The following RBFOX1 variants were observed in gnomAD, a reference collection of about 807,000 sequenced individuals.
The protein encoded by RBFOX1 is RNA binding fox-1 homolog 1, also known as RNA binding protein fox-1 homolog 1.
RBFOX1 carries 8 observed loss-of-function variants against 57.7 expected under a neutral mutation model. The observed-to-expected ratio is 0.14, with a 90% CI of 0.08 to 0.25. The LOEUF is 0.25. Ranked by LOEUF, RBFOX1 falls within the 10% of genes least tolerant of loss-of-function variation. RBFOX1 has a pLI of 1.00. For missense variants in RBFOX1, 611 were observed against 548.5 expected, an observed-to-expected ratio of 1.11 and a Z score of -1.14; for synonymous variants, 326 against 222.4, an observed-to-expected ratio of 1.47 and a Z score of -4.15.
At chr16:7,039,014 C>T (rs35849848) in intron 3 of RBFOX1, among the ~76,000 whole-genome samples, 14,561 of 148,240 alleles carry the variant, frequency 0.098, 1,161 homozygotes, top group East Asian at 0.33. Context: ...ATATAAGTAC[C>T]ATTATTACCA....
chr16:7,555,289 T>C (rs952222283), intron 5 of RBFOX1, among the ~76,000 whole-genome samples: 1 of 152,150 alleles, frequency 6.6e-6, no homozygotes, highest in Non-Finnish European at 1.5e-5. Context: ...ATCCTGTAAA[T>C]GCAACTTGAT....
intron 3 of RBFOX1, among the ~76,000 whole-genome samples, chr16:6,997,001 CATATGT>C (rs1469913641): frequency 1.3e-5 from 2 of 152,050 alleles, no homozygotes; most frequent in African/African-American, 2.4e-5. Flanking sequence ...CAGCTTTATA[CATATGT>C]ATATGTATAT....
rs530759314 is a variant in RBFOX1, at chr16:5,676,047, A to T, written c.318+77086A>T. ...GAAGTTGAATAATGAGAACACATGG[A>T]CATGGTGATCGGGAGGGAACGTCGC... On this transcript the variant is annotated intron_variant, in intron 3 of 19. Transcript: ENST00000641259. Among the ~76,000 whole-genome samples the T allele has an allele frequency of 3.9e-5, 6 of 152,298 alleles. No homozygotes were observed. In the South Asian group the frequency reaches 6.2e-4, roughly 16 times the overall value.
At chr16:6,656,094 T>C (rs1159071477) in intron 3 of RBFOX1, among the ~76,000 whole-genome samples, 1 of 152,178 alleles carries the variant, frequency 6.6e-6, no homozygotes, top group Non-Finnish European at 1.5e-5. Context: ...TGCATGCTGG[T>C]ATATGCATGT....
intron 3 of RBFOX1, among the ~76,000 whole-genome samples, chr16:5,852,314 A>T (rs891005079): frequency 6.6e-6 from 1 of 152,064 alleles, no homozygotes; most frequent in South Asian, 2.1e-4. Flanking sequence ...AGCAGTGAGG[A>T]TTGCAGGCGT....
chr16:5,695,812 G>A (rs1302057856), intron 3 of RBFOX1, among the ~76,000 whole-genome samples: 2 of 152,136 alleles, frequency 1.3e-5, no homozygotes, highest in Non-Finnish European at 2.9e-5. Flanking sequence ...TAAAGGAAAG[G>A]AGGTAACTAT....
At chr16:5,624,757 T>A (rs73527652) in intron 3 of RBFOX1, among the ~76,000 whole-genome samples, 3 of 152,158 alleles carry the variant, frequency 2.0e-5, no homozygotes, top group Admixed American at 6.5e-5. Context: ...GTCTTTGAGC[T>A]TGCCTCAGGG....
chr16:7,600,522 A>G (rs1392263266), intron 9 of RBFOX1, among the ~76,000 whole-genome samples: 1 of 152,200 alleles, frequency 6.6e-6, no homozygotes, highest in Non-Finnish European at 1.5e-5. Flanking sequence ...GTCGGGACCA[A>G]TAAAGTCACA....
intron 3 of RBFOX1, among the ~76,000 whole-genome samples, chr16:5,725,394 C>G (rs941382570): frequency 6.6e-5 from 10 of 152,040 alleles, no homozygotes; most frequent in Non-Finnish European, 8.8e-5. Flanking sequence ...CAGGCATGCA[C>G]CACTGCCCCC....
chr16:5,662,435 G>T (rs923331380), intron 3 of RBFOX1, among the ~76,000 whole-genome samples: 2 of 152,042 alleles, frequency 1.3e-5, no homozygotes, highest in African/African-American at 4.8e-5. Flanking sequence ...TTTCAGACAC[G>T]TTCTGGAAAA....
At chr16:6,582,303 C>T (rs1211575931) in intron 2 of RBFOX1, among the ~76,000 whole-genome samples, 1 of 152,062 alleles carries the variant, frequency 6.6e-6, no homozygotes, top group Non-Finnish European at 1.5e-5. Flanking sequence ...CTTGAAAATT[C>T]TGATGAGAAA....
At chr16:7,551,116 G>C (rs1032175917) in intron 5 of RBFOX1, among the ~76,000 whole-genome samples, 5 of 138,850 alleles carry the variant, frequency 3.6e-5, no homozygotes, top group African/African-American at 1.3e-4. Context: ...GAAAAAAAAA[G>C]AATATTTACA....
chr16:7,104,963 G>C (rs1012189731), intron 4 of RBFOX1, among the ~76,000 whole-genome samples: 23 of 150,836 alleles, frequency 1.5e-4, no homozygotes, highest in Non-Finnish European at 2.9e-4. Context: ...ACGTGCTTCT[G>C]TGCTTGTGTG....
intron 3 of RBFOX1, among the ~76,000 whole-genome samples, chr16:5,659,047 G>C (rs2049557778): frequency 6.6e-6 from 1 of 151,798 alleles, no homozygotes; most frequent in African/African-American, 2.4e-5. Flanking sequence ...TGGATCAAAT[G>C]GTAGATCTGC....
chr16:5,419,976 C>T (rs990331112), intron 1 of RBFOX1, among the ~76,000 whole-genome samples: 1 of 152,088 alleles, frequency 6.6e-6, no homozygotes, highest in South Asian at 2.1e-4. Flanking sequence ...TCTGCAGATA[C>T]CAGCCCAGCT....
At chr16:7,335,780 T>C (rs2144719049) in intron 4 of RBFOX1, among the ~76,000 whole-genome samples, 1 of 152,248 alleles carries the variant, frequency 6.6e-6, no homozygotes, top group South Asian at 2.1e-4. Context: ...CCTTCCTCCT[T>C]TAGGAAAATC....
At chr16:6,517,747 C>A (rs2096409530) in intron 2 of RBFOX1, among the ~76,000 whole-genome samples, 1 of 152,200 alleles carries the variant, frequency 6.6e-6, no homozygotes, top group Admixed American at 6.5e-5. Flanking sequence ...CCTGCACTTT[C>A]TGCCACATCC....
At chr16:5,372,786 A>G (rs2065891510) in intron 1 of RBFOX1, among the ~76,000 whole-genome samples, 1 of 152,228 alleles carries the variant, frequency 6.6e-6, no homozygotes, top group Non-Finnish European at 1.5e-5. Flanking sequence ...GGTAAATGAG[A>G]ACATTGTTCA....
At chr16:5,677,927 T>G (rs2050215367) in intron 3 of RBFOX1, among the ~76,000 whole-genome samples, 1 of 152,172 alleles carries the variant, frequency 6.6e-6, no homozygotes, top group African/African-American at 2.4e-5. Flanking sequence ...TAAAGAGCTT[T>G]GCTTTTATTC....
Sources: allele counts gnomAD v4.1 joint callset (sites outside exome capture counted in the v4.1 genomes callset), GRCh38; gene constraint gnomAD v4.1.1; transcripts MANE v1.5; gene names NCBI Gene and HGNC (gene_info 2026-07-23, HGNC 2026-07-21).